Variants in CACNA1C observed in about 807,000 individuals in gnomAD.
CACNA1C encodes the protein calcium voltage-gated channel subunit alpha1 C, also known as voltage-dependent L-type calcium channel subunit alpha-1C.
Under a neutral mutation model 229.0 loss-of-function variants are expected in CACNA1C, and 30 were observed. That is an observed-to-expected ratio of 0.13 (90% CI 0.10 to 0.18). The LOEUF (loss-of-function observed/expected upper bound fraction) is 0.18. Ranked by LOEUF, CACNA1C falls within the 10% of genes least tolerant of loss-of-function variation. The pLI, the probability that CACNA1C is intolerant of heterozygous loss-of-function variation, is 1.00. For missense variants in CACNA1C, 1,658 were observed against 2,845.0 expected (o/e 0.58, Z 9.49); for synonymous variants, 1,114 against 1,132.5 (o/e 0.98, Z 0.33).
chr12:1,999,895 G>A (rs561575767), intron 1 of CACNA1C, among the ~76,000 whole-genome samples: 7 of 152,162 alleles, frequency 4.6e-5, no homozygotes, highest in East Asian at 1.9e-4. Flanking sequence ...AATGTGGCTC[G>A]TTTGCCCCTG....
At chr12:2,482,481 G>C (rs1400154078) in intron 5 of CACNA1C, among the ~76,000 whole-genome samples, 1 of 152,232 alleles carries the variant, frequency 6.6e-6, no homozygotes, top group Non-Finnish European at 1.5e-5. Context: ...CTTCTCATCA[G>C]AAACATATGG....
chr12:2,587,593 A>C (rs538659272), intron 18 of CACNA1C, among the ~76,000 whole-genome samples: 1 of 152,102 alleles, frequency 6.6e-6, no homozygotes, highest in African/African-American at 2.4e-5. Flanking sequence ...CAAAGAGAAG[A>C]ATGTTAATTT....
At position 2,346,203 on chromosome 12, in the gene CACNA1C, T is replaced by C. The variant is rs927560440; in HGVS notation, c.478-102773T>C. Among the ~76,000 whole-genome samples, 3 of 152,168 alleles carry C rather than the reference T, an allele frequency of 2.0e-5. No individual in the cohort carries two copies. The highest frequency in any genetic ancestry group is 4.2e-4 in the South Asian group (2 of 4,808). On this transcript the variant is annotated intron_variant, in intron 3 of 46. Transcript: ENST00000399655. This position sits in a 1 kb window ranked among gnomAD's most constrained non-coding sequence, Gnocchi z 4.4. ...GCCGAGGAAGGCAGAGGTGTGCGTG[T>C]GTGTCTCTGTGTGTGTCATCTCTGT...
chr12:2,610,776 C>G (rs764685416), intron 28 of CACNA1C, 77 bp downstream of exon 28: 24 of 1,448,308 alleles, frequency 1.7e-5, no homozygotes, highest in Admixed American at 5.2e-5. Flanking sequence ...AACGGAGCGG[C>G]AGGCAGCTCA....
intron 1 of CACNA1C, among the ~76,000 whole-genome samples, chr12:2,033,583 A>G (rs1302219312): frequency 6.6e-6 from 1 of 152,164 alleles, no homozygotes; most frequent in East Asian, 1.9e-4. Flanking sequence ...GATTCACAGT[A>G]TAATCCTAAG....
intron 3 of CACNA1C, among the ~76,000 whole-genome samples, chr12:2,441,848 C>T (rs1038802395): frequency 6.6e-6 from 1 of 152,140 alleles, no homozygotes; most frequent in African/African-American, 2.4e-5. Flanking sequence ...TGTGTTAGGA[C>T]CCTTCGACAC....
intron 3 of CACNA1C, among the ~76,000 whole-genome samples, chr12:2,322,252 A>AG (rs1183885622): frequency 1.3e-5 from 2 of 152,214 alleles, no homozygotes; most frequent in Admixed American, 6.5e-5. Flanking sequence ...GCTGAATCAC[A>AG]GGGGCACTGG....
chr12:2,305,817 T>A (rs2154478801), intron 3 of CACNA1C, among the ~76,000 whole-genome samples: 1 of 152,344 alleles, frequency 6.6e-6, no homozygotes, highest in South Asian at 2.1e-4. Flanking sequence ...CATGCCACCC[T>A]GGGTGACATA....
rs2154566930 is a variant in CACNA1C, at chr12:2,467,131, C to G, written c.757+9425C>G. ...GCTGGAGGCTGCCTGGTCCCCCTGC[C>G]CGCCCATCGGAGATGGTCCCTACAA... On this transcript the variant is annotated intron_variant, in intron 5 of 46. Transcript: ENST00000399655. This position sits in a 1 kb window ranked among gnomAD's most constrained non-coding sequence, Gnocchi z 4.6. Among the ~76,000 whole-genome samples the G allele has an allele frequency of 6.6e-6, 1 of 152,264 alleles. No homozygotes were observed. The highest frequency in any genetic ancestry group is 1.9e-4 in the East Asian group (1 of 5,154).
intron 5 of CACNA1C, among the ~76,000 whole-genome samples, chr12:2,463,930 C>T (rs930200718): frequency 2.0e-5 from 3 of 152,128 alleles, no homozygotes; most frequent in Non-Finnish European, 4.4e-5. Flanking sequence ...GAGGAATCAA[C>T]GTTATACAGC....
intron 1 of CACNA1C, chr12:1,997,875 CA>C (rs1317774583): frequency 7.3e-7 from 1 of 1,367,454 alleles, no homozygotes; most frequent in Non-Finnish European, 1.0e-6. Context: ...AAGAGTGACA[CA>C]ACGGAGCTAA....
At chr12:2,556,635 G>A (rs1050044226) in intron 10 of CACNA1C, among the ~76,000 whole-genome samples, 25 of 152,150 alleles carry the variant, frequency 1.6e-4, no homozygotes, top group African/African-American at 6.0e-4. Context: ...TTTCTCTGCA[G>A]CTTGTCTCAA....
chr12:2,124,469 A>G (rs528190758), intron 3 of CACNA1C, among the ~76,000 whole-genome samples: 1 of 152,284 alleles, frequency 6.6e-6, no homozygotes, highest in African/African-American at 2.4e-5. Flanking sequence ...TGAGGGGATG[A>G]GAAGAGCCAG....
At chr12:2,560,954 C>G (rs895344116) in intron 11 of CACNA1C, among the ~76,000 whole-genome samples, 1 of 151,898 alleles carries the variant, frequency 6.6e-6, no homozygotes, top group Non-Finnish European at 1.5e-5. Flanking sequence ...GCCTGTGCAC[C>G]ATTGCATGTC....
rs2099706348 is a variant in CACNA1C at position 2,488,713 on chromosome 12, G to A, written c.916+2451G>A. Among the ~76,000 whole-genome samples, 4 of 152,292 alleles carry A rather than the reference G, an allele frequency of 2.6e-5. No individual in the cohort carries two copies. The South Asian group carries it at 8.3e-4, about 32-fold the overall frequency. On this transcript the variant is annotated intron_variant, in intron 6 of 46. Transcript: ENST00000399655. This position sits in a 1 kb window ranked among gnomAD's most constrained non-coding sequence, Gnocchi z 4.0. ...ACAGCAGAAGTGCTCCAGAGAGAAG[G>A]GCCCTGCCAGGCTCCATGAGAAGGT...
chr12:2,572,480 TCTTC>T (rs145369551), intron 13 of CACNA1C, among the ~76,000 whole-genome samples: 2 of 54,794 alleles, frequency 3.7e-5, no homozygotes, highest in Non-Finnish European at 7.2e-5. Flanking sequence ...CTCCTTCTCC[TCTTC>T]CTCCTCCTCC....
At chr12:2,167,941 AT>A (rs1260960713) in intron 3 of CACNA1C, among the ~76,000 whole-genome samples, 3 of 152,208 alleles carry the variant, frequency 2.0e-5, no homozygotes, top group South Asian at 2.1e-4. Flanking sequence ...GGTATTTTTA[AT>A]TTTTTGCTAA....
At chr12:2,664,730 G>A (rs61907988) in intron 34 of CACNA1C, 95 bp from the exon 35 acceptor site, 2 of 1,002,094 alleles carry the variant, frequency 2.0e-6, no homozygotes, top group Non-Finnish European at 2.8e-6. Flanking sequence ...CTCCCTCTGG[G>A]GAAGGAGGAA....
intron 3 of CACNA1C, among the ~76,000 whole-genome samples, chr12:2,297,632 GA>G (rs1464473616): frequency 6.6e-6 from 1 of 152,198 alleles, no homozygotes; most frequent in Non-Finnish European, 1.5e-5. Context: ...TTTTACAAGT[GA>G]TACTGTGACA....
Sources: allele counts gnomAD v4.1 joint callset (sites outside exome capture counted in the v4.1 genomes callset), GRCh38; gene constraint gnomAD v4.1.1; non-coding constraint Gnocchi (gnomAD v3.1); transcripts MANE v1.5; gene names NCBI Gene and HGNC (gene_info 2026-07-23, HGNC 2026-07-21).